HDGF: variants seen among roughly 807,000 people sequenced by gnomAD.
The protein encoded by HDGF is hepatoma-derived growth factor.
In HDGF, 5 loss-of-function variants were observed where a neutral mutation model predicts 30.0. The ratio of observed to expected loss-of-function variants is 0.17; its 90% confidence interval spans 0.09 to 0.35. The LOEUF is 0.35. Among genes scored for constraint, HDGF ranks in the 10% least tolerant of loss-of-function variants. The probability of loss-of-function intolerance (pLI) is 1.00; values close to 1 mark genes in which losing one functional copy is unlikely to be tolerated. For missense variants in HDGF, 214 were observed against 302.8 expected, an observed-to-expected ratio of 0.71 and a Z score of 2.18; for synonymous variants, 133 against 112.7, an observed-to-expected ratio of 1.18 and a Z score of -1.14.
At chr1:156,746,117 A>G (rs1470220180) in intron 1 of HDGF, among the ~76,000 whole-genome samples, 1 of 152,136 alleles carries the variant, frequency 6.6e-6, no homozygotes, top group Non-Finnish European at 1.5e-5. Flanking sequence ...AAGCTTCCCT[A>G]TCACTCCTGG....
chr1:156,743,745 C>T lies in HDGF; in HGVS notation c.623G>A (p.Arg208Gln), dbSNP rs201482955. ...CTCTTCTTCCTCTTGGGGAGGCCCC[C>T]GGCCAGAGCCGGGCTCAGAGGGGGT... ...NSTPSEPGSG[R>Q]GPPQEEEEEE... The change falls in exon 5 of 6, where the codon CGG becomes CAG. Residue 208 changes from arginine (R) to glutamine (Q), a missense_variant. Physicochemically the swap from Arg to Gln is conservative, Grantham distance 43 (BLOSUM62 1). This residue lies in a region of HDGF where 176 missense variants were observed against 211.7 expected (regional missense o/e 0.83). Transcript: ENST00000357325. The T allele has an allele frequency of 1.5e-4, 246 of 1,599,234 alleles. No homozygotes were observed. The highest frequency in any genetic ancestry group is 7.6e-4 in the South Asian group (68 of 89,238).
chr1:156,749,416 G>A (rs916652302), intron 1 of HDGF, among the ~76,000 whole-genome samples: 4 of 152,228 alleles, frequency 2.6e-5, no homozygotes, highest in African/African-American at 9.6e-5. Flanking sequence ...AGGGGACTGT[G>A]TCTGGGAGGT....
chr1:156,746,702 T>G (rs1455781485), intron 1 of HDGF, among the ~76,000 whole-genome samples: 1 of 147,464 alleles, frequency 6.8e-6, no homozygotes, highest in Non-Finnish European at 1.5e-5. Context: ...GAGCCAGGGG[T>G]GGGTCGTGGG....
chr1:156,745,271 C>T (rs775512569), intron 2 of HDGF, 26 bp downstream of exon 2: 33 of 1,612,772 alleles, frequency 2.0e-5, no homozygotes, highest in Non-Finnish European at 2.8e-5. Flanking sequence ...GCCCTCCCGA[C>T]CTATACCCCT....
At chr1:156,765,345 G>A (rs1651335697) in intron 1 of HDGF, among the ~76,000 whole-genome samples, 1 of 149,992 alleles carries the variant, frequency 6.7e-6, no homozygotes. Flanking sequence ...TGCCCGCCTC[G>A]GCCTCCCAAA....
In HDGF at chr1:156,751,541, C is replaced by A; in HGVS notation, c.-112G>T. The A allele has an allele frequency of 9.8e-7, 1 of 1,019,814 alleles. No homozygotes were observed. Among genetic ancestry groups the A allele is most frequent in the South Asian group, 4.5e-5 (1 of 22,144 alleles). The allele number at this position is 1,019,814 out of a possible 1,614,324, so 63.2% of individuals were successfully genotyped here. On this transcript the variant is annotated 5_prime_UTR_variant, in exon 1 of 6. The change creates a new upstream start codon in the 5' untranslated region. Transcript: ENST00000357325. This position sits in a 1 kb window ranked among gnomAD's most constrained non-coding sequence, Gnocchi z 4.7. ...GCTCCGGCCCTCGCGCGGCCCCCGC[C>A]TCGATGGTGGCCCCCGGCCCGAGCT...
intron 1 of HDGF, among the ~76,000 whole-genome samples, chr1:156,748,670 A>G (rs1650758183): frequency 6.6e-6 from 1 of 152,190 alleles, no homozygotes; most frequent in African/African-American, 2.4e-5. Context: ...GAGTGGGGAA[A>G]GAGAACTGAA....
chr1:156,754,470 T>C (rs1478190955), upstream of HDGF, among the ~76,000 whole-genome samples: 17 of 152,204 alleles, frequency 1.1e-4, no homozygotes. Flanking sequence ...AATATTCAAG[T>C]GCTCCTTACA....
rs988608496 is a variant in HDGF, at chr1:156,743,575, G to A, written c.716+77C>T. The A allele has an allele frequency of 5.1e-6, 8 of 1,553,758 alleles. No individual in the cohort carries two copies. In the African/African-American group the frequency reaches 9.5e-5, roughly 18 times the overall value. ...GCCTCCCGAGAGGCTGACCACTGCA[G>A]GCCCTTTTCATCCTCTTCTCCGAGA... is the stretch of plus-strand genomic sequence containing the variant. On this transcript the variant is annotated intron_variant, in intron 5 of 5. Coordinates refer to ENST00000357325, the MANE Select transcript of HDGF (RefSeq NM_004494.3).
chr1:156,744,457 A>G (rs1487872668), intron 3 of HDGF, 109 bp from the exon 4 acceptor site: 3 of 833,170 alleles, frequency 3.6e-6, no homozygotes, highest in East Asian at 5.7e-5. Context: ...CCTCTCCCCC[A>G]CCCCCACCCA....
At chr1:156,766,075 C>A (rs1396025705) in intron 1 of HDGF, among the ~76,000 whole-genome samples, 1 of 152,122 alleles carries the variant, frequency 6.6e-6, no homozygotes, top group Admixed American at 6.6e-5. Flanking sequence ...AGAAGCTTTC[C>A]TAGTGATGCT....
chr1:156,743,175 C>T lies in HDGF; in HGVS notation c.*274G>A, dbSNP rs749563787. 16 of 387,576 alleles carry T rather than the reference C, an allele frequency of 4.1e-5. No homozygotes were observed. The highest frequency in any genetic ancestry group is 1.2e-4 in the African/African-American group (6 of 48,032). 24.0% of individuals were successfully genotyped at this position (387,576 alleles called of 1,614,324 possible). On this transcript the variant is annotated 3_prime_UTR_variant, in exon 6 of 6. Coordinates refer to ENST00000357325, the MANE Select transcript of HDGF (RefSeq NM_004494.3). ...CAGAAGCCTGGAAAATAGCTCCAAGCGGAAGGAACACAGTGGCCTCAACTC... is the reference window on the plus strand; with the variant it reads ...CAGAAGCCTGGAAAATAGCTCCAAGTGGAAGGAACACAGTGGCCTCAACTC...
upstream of HDGF, chr1:156,752,256 G>C: frequency 2.6e-6 from 4 of 1,551,788 alleles, no homozygotes; most frequent in Non-Finnish European, 3.5e-6. Context: ...TGGAAACGTC[G>C]GGGATTTGAG....
chr1:156,752,803 C>T (rs1030150184), upstream of HDGF, among the ~76,000 whole-genome samples: 1 of 152,162 alleles, frequency 6.6e-6, no homozygotes, highest in Non-Finnish European at 1.5e-5. Context: ...TCTTATGTTA[C>T]GGCATATACA....
At chr1:156,752,481 C>A, upstream of HDGF, 2 of 895,874 alleles carry the variant, frequency 2.2e-6, no homozygotes, top group South Asian at 1.6e-5. Context: ...ATAAACCCAA[C>A]CCCTTCAGTA....
chr1:156,744,023 C>A, intron 4 of HDGF, 140 bp downstream of exon 4: 1 of 1,072,644 alleles, frequency 9.3e-7, no homozygotes, highest in Admixed American at 1.7e-5. Context: ...TGTGTCCCAT[C>A]TGGTCAGCTG....
chr1:156,752,144 C>G, upstream of HDGF: 1 of 1,551,648 alleles, frequency 6.4e-7, no homozygotes, highest in Non-Finnish European at 8.7e-7. Flanking sequence ...CGGTTCTTGG[C>G]AGCGTGCTAG....
Position 156,751,510 on chromosome 1 carries a change from C to A in HDGF, c.-81G>T. On this transcript the variant is annotated 5_prime_UTR_variant, in exon 1 of 6. Coordinates refer to ENST00000357325, the MANE Select transcript of HDGF (RefSeq NM_004494.3). The surrounding 1 kb of genome is among the most constrained non-coding windows in gnomAD (Gnocchi z 4.7). ...TTTGCGCGTGCGGCGGTGGCGGCGC[C>A]GCTCCGCTCCGGCCCTCGCGCGGCC... 1 of 1,129,636 alleles carries A rather than the reference C, an allele frequency of 8.9e-7. No individual in the cohort carries two copies. The highest frequency in any genetic ancestry group is 1.1e-6 in the Non-Finnish European group (1 of 919,036). 70.0% of individuals were successfully genotyped at this position (1,129,636 alleles called of 1,614,324 possible).
In HDGF at chr1:156,764,485, C is replaced by A. The variant is rs536073736; in HGVS notation, n.136+2305G>T. ...GTGCTGGGATTACAGGCGTGAGCCA[C>A]TGCGCCTGGCCTTGCCCAGTTACAA... On this transcript the variant is annotated intron_variant and non_coding_transcript_variant, in intron 1 of 7. Coordinates refer to the HDGF transcript ENST00000465180. Among the ~76,000 whole-genome samples the A allele has an allele frequency of 2.6e-5, 4 of 152,344 alleles. No individual in the cohort carries two copies. In the South Asian group the frequency reaches 8.3e-4, roughly 32 times the overall value.
Sources: gnomAD v4.1 joint callset for allele counts (sites outside exome capture counted in the v4.1 genomes callset) on GRCh38, gnomAD v4.1.1 for gene constraint, gnomAD v4.1.1 regional missense constraint, Gnocchi (gnomAD v3.1) non-coding constraint, MANE v1.5 for transcripts, NCBI Gene and HGNC (gene_info 2026-07-23, HGNC 2026-07-21) for gene names.